The following CD96 variants were observed in gnomAD, a reference collection of about 807,000 sequenced individuals.
CD96 encodes CD96 molecule, also known as T-cell surface protein tactile.
A neutral mutation model predicts 71.3 loss-of-function variants in CD96; 70 were observed. The observed-to-expected ratio is 0.98, with a 90% CI of 0.81 to 1.20. The LOEUF (loss-of-function observed/expected upper bound fraction) is 1.20. CD96 is among the 50% of genes most tolerant of loss of function. The probability of loss-of-function intolerance (pLI) is 0.00; values close to 1 mark genes in which losing one functional copy is unlikely to be tolerated. For missense variants in CD96, 742 were observed against 677.5 expected (o/e 1.10, Z -1.06); for synonymous variants, 248 against 233.0 (o/e 1.06, Z -0.59).
intron 8 of CD96, among the ~76,000 whole-genome samples, chr3:111,608,002 G>A (rs1357376088): frequency 6.6e-6 from 1 of 152,092 alleles, no homozygotes; most frequent in Non-Finnish European, 1.5e-5. Flanking sequence ...CCAAATTTTA[G>A]CAAAACATAT....
At chr3:111,612,784 AC>A in intron 8 of CD96, 1 of 773,630 alleles carries the variant, frequency 1.3e-6, no homozygotes, top group African/African-American at 1.9e-5. Flanking sequence ...AAAAGGTCAA[AC>A]ATGACACCTA....
chr3:111,558,631 G>A (rs1238566890), intron 2 of CD96, among the ~76,000 whole-genome samples: 15 of 127,758 alleles, frequency 1.2e-4, no homozygotes, highest in African/African-American at 3.7e-4. Flanking sequence ...GGGGATTTTT[G>A]CATCAATGTT....
chr3:111,547,318 T>C (rs1447258376), intron 2 of CD96, among the ~76,000 whole-genome samples: 1 of 152,220 alleles, frequency 6.6e-6, no homozygotes, highest in Non-Finnish European at 1.5e-5. Context: ...ATATGAGCCC[T>C]GCTCCTTCTT....
chr3:111,581,169 G>A (rs574356884), intron 4 of CD96, among the ~76,000 whole-genome samples: 15 of 151,852 alleles, frequency 9.9e-5, no homozygotes, highest in Middle Eastern at 3.4e-3. Context: ...AAGTCCTTTC[G>A]GTGGATGCTT....
At position 111,542,273 on chromosome 3, in the gene CD96, GCTGT is replaced by G. The variant is rs1196019362; in HGVS notation, c.28_31del (p.Val10IlefsTer33). 1.5e-5 allele frequency: 24 copies of G among 1,613,728 alleles called. No individual in the cohort carries two copies. The highest frequency in any genetic ancestry group is 2.2e-5 in the East Asian group (1 of 44,894). On this transcript the variant is annotated frameshift_variant, in exon 1 of 14. Coordinates refer to ENST00000352690, the MANE Select transcript of CD96 (RefSeq NM_005816.5). LOFTEE classifies it high-confidence loss of function. ...AATGGAGAAAAAATGGAAATACTGT[GCTGT>G]CTATTACATCATCCAGATACATTTT...
At chr3:111,625,267 A>G (rs1006875393) in intron 10 of CD96, among the ~76,000 whole-genome samples, 1 of 152,188 alleles carries the variant, frequency 6.6e-6, no homozygotes, top group Non-Finnish European at 1.5e-5. Flanking sequence ...TATCTTTTTG[A>G]TGGCCCTCAG....
At chr3:111,590,279 A>G (rs1936916640) in intron 5 of CD96, among the ~76,000 whole-genome samples, 1 of 152,262 alleles carries the variant, frequency 6.6e-6, no homozygotes, top group South Asian at 2.1e-4. Flanking sequence ...GGATCAAGTA[A>G]GAGAATGTAT....
intron 4 of CD96, among the ~76,000 whole-genome samples, chr3:111,582,566 G>A (rs945968653): frequency 1.4e-4 from 22 of 152,106 alleles, no homozygotes; most frequent in African/African-American, 4.8e-4. Flanking sequence ...TTTCTAAGCT[G>A]CATTAGTTCA....
rs145304944 is a variant in CD96 at position 111,595,662 on chromosome 3, A to G, written c.808-2458A>G. 5.8e-4 allele frequency among the ~76,000 whole-genome samples: 88 copies of G among 152,016 alleles called. 1 individual carries two copies. In the East Asian group the frequency reaches 0.014, roughly 25 times the overall value. On this transcript the variant is annotated intron_variant, in intron 5 of 13. Transcript: ENST00000352690. ...AGTAAAGCAAGCGATTTGAAGGAGG[A>G]AGAGTGGGAAAGGCTGAAATATTAA...
chr3:111,562,055 C>A (rs542562495), intron 2 of CD96, among the ~76,000 whole-genome samples: 3 of 152,360 alleles, frequency 2.0e-5, no homozygotes, highest in Admixed American at 1.3e-4. Flanking sequence ...CAATGCCTCG[C>A]CCTGCTTCGG....
intron 8 of CD96, among the ~76,000 whole-genome samples, chr3:111,618,582 C>CTTTT (rs35004472): frequency 4.0e-5 from 5 of 123,964 alleles, no homozygotes; most frequent in Admixed American, 8.2e-5. Flanking sequence ...TTATTTCTCT[C>CTTTT]TTTTTTTTTT....
intron 2 of CD96, among the ~76,000 whole-genome samples, chr3:111,551,433 G>C (rs1476643659): frequency 1.3e-5 from 2 of 152,156 alleles, no homozygotes; most frequent in East Asian, 3.8e-4. Flanking sequence ...GTGTGATTGG[G>C]AGATTACAGC....
chr3:111,567,797 A>G (rs921359814), intron 3 of CD96, 150 bp downstream of exon 3: 5 of 741,668 alleles, frequency 6.7e-6, no homozygotes, highest in African/African-American at 1.7e-5. Flanking sequence ...AAGGAAGGAG[A>G]GGTCACTCAG....
rs540498149 is a variant in CD96 at position 111,577,325 on chromosome 3, C to T, written c.544-1702C>T. 1.5e-4 allele frequency among the ~76,000 whole-genome samples: 23 copies of T among 152,270 alleles called. No homozygotes were observed. In the East Asian group the frequency reaches 4.4e-3, roughly 29 times the overall value. On this transcript the variant is annotated intron_variant, in intron 3 of 13. Coordinates refer to ENST00000352690, the MANE Select transcript of CD96 (RefSeq NM_005816.5). ...AAGAGGCTGCCAAACGTACCTGTGC[C>T]AAAAGATCTGCAGGGGGTACCTGCC... is the stretch of plus-strand genomic sequence containing the variant.
intron 8 of CD96, among the ~76,000 whole-genome samples, chr3:111,610,569 G>A (rs528437978): frequency 6.6e-6 from 1 of 152,300 alleles, no homozygotes; most frequent in East Asian, 1.9e-4. Context: ...CTTTAATGAG[G>A]GGAGGAGAAC....
At position 111,596,880 on chromosome 3, in the gene CD96, G is replaced by T. The variant is rs1360770322; in HGVS notation, c.808-1240G>T. 1.2e-3 allele frequency among the ~76,000 whole-genome samples: 184 copies of T among 152,308 alleles called. 5 individuals carry two copies. The highest frequency in any genetic ancestry group is 0.012 in the Admixed American group (183 of 15,304). Reference sequence around the variant, plus strand: ...ACGGATGGGAATACTGGGAGCTACGGTGTTTGCCACCCAGCATCTTGGATA... The same window carrying T: ...ACGGATGGGAATACTGGGAGCTACGTTGTTTGCCACCCAGCATCTTGGATA... On this transcript the variant is annotated intron_variant, in intron 5 of 13. Coordinates refer to ENST00000352690, the MANE Select transcript of CD96 (RefSeq NM_005816.5).
chr3:111,627,640 C>G (rs1018613362), intron 10 of CD96, among the ~76,000 whole-genome samples: 1 of 152,226 alleles, frequency 6.6e-6, no homozygotes, highest in African/African-American at 2.4e-5. Flanking sequence ...CACAGCTGCT[C>G]TACCAAAATG....
intron 5 of CD96, among the ~76,000 whole-genome samples, chr3:111,591,024 T>C (rs1269593826): frequency 1.3e-5 from 2 of 151,848 alleles, no homozygotes; most frequent in African/African-American, 4.8e-5. Context: ...ACAAAAGCAG[T>C]TTGGGGTTAA....
chr3:111,641,921 G>T (rs946426108), intron 12 of CD96, among the ~76,000 whole-genome samples: 1 of 152,196 alleles, frequency 6.6e-6, no homozygotes, highest in African/African-American at 2.4e-5. Context: ...ATGAAATCAA[G>T]ATGGAAATTT....
Sources: gnomAD v4.1 joint callset for allele counts (sites outside exome capture counted in the v4.1 genomes callset) on GRCh38, gnomAD v4.1.1 for gene constraint, MANE v1.5 for transcripts, NCBI Gene and HGNC (gene_info 2026-07-23, HGNC 2026-07-21) for gene names.